Variants in GOLGA8K observed in about 807,000 individuals in gnomAD.
The protein encoded by GOLGA8K is golgin subfamily A member 8K.
GOLGA8K carries 12 observed loss-of-function variants against 75.2 expected under a neutral mutation model. The ratio of observed to expected loss-of-function variants is 0.16; its 90% confidence interval spans 0.10 to 0.26. GOLGA8K has a LOEUF of 0.26. Ranked by LOEUF, GOLGA8K falls within the 10% of genes least tolerant of loss-of-function variation. The pLI is 1.00. For missense variants in GOLGA8K, 109 were observed against 640.8 expected, an observed-to-expected ratio of 0.17 and a Z score of 8.96; for synonymous variants, 48 against 236.6, an observed-to-expected ratio of 0.20 and a Z score of 7.32.
chr15:32,395,025 G>A (rs1156255736), intron 13 of GOLGA8K, among the ~76,000 whole-genome samples: 487 of 149,366 alleles, frequency 3.3e-3, no homozygotes, highest in Middle Eastern at 6.9e-3. Flanking sequence ...CAGACTCTGA[G>A]CCTCTTGGCT....
intron 8 of GOLGA8K, among the ~76,000 whole-genome samples, 177 bp downstream of exon 8, chr15:32,398,383 C>T (rs1251420528): frequency 8.3e-5 from 12 of 144,732 alleles, no homozygotes; most frequent in Non-Finnish European, 1.5e-4. Context: ...ACCCCCAACT[C>T]ACCCACAGCA....
At chr15:32,397,651 A>G in intron 8 of GOLGA8K, 148 bp from the exon 9 acceptor site, 1 of 1,145,768 alleles carries the variant, frequency 8.7e-7, no homozygotes, top group Non-Finnish European at 1.3e-6. Flanking sequence ...TTTTTAAAAG[A>G]ACACAGTAAA....
At position 32,389,995 on chromosome 15, in the gene GOLGA8K, A is replaced by ATT. The variant is rs200888779; in HGVS notation, c.*2785_*2786dup. 0.012 allele frequency among the ~76,000 whole-genome samples: 855 copies of ATT among 69,654 alleles called. 86 individuals carry two copies. The highest frequency in any genetic ancestry group is 0.019 in the Non-Finnish European group (612 of 31,544). 45.7% of individuals were successfully genotyped at this position (69,654 alleles called of 152,430 possible). Reference sequence around the variant, plus strand: ...AAAATCAGCTTTGGTTTTAGAGCTGATTTTTTTTTTCATTTCTGGAAAATT... The same window carrying ATT: ...AAAATCAGCTTTGGTTTTAGAGCTGATTTTTTTTTTTTCATTTCTGGAAAATT... On this transcript the variant is annotated 3_prime_UTR_variant, in exon 19 of 19. Transcript: ENST00000512626.
intron 17 of GOLGA8K, 27 bp downstream of exon 17, chr15:32,393,265 AC>A: frequency 2.7e-6 from 2 of 744,108 alleles, no homozygotes; most frequent in South Asian, 1.6e-5. Flanking sequence ...CCCCACCCCC[AC>A]CCCCACAGAG....
chr15:32,394,513 TCAC>T, intron 14 of GOLGA8K, 149 bp downstream of exon 14: 2 of 673,324 alleles, frequency 3.0e-6, no homozygotes. Context: ...TCACAGGAGG[TCAC>T]CACACTGATG....
chr15:32,392,903 G>A lies in GOLGA8K; in HGVS notation c.1772C>T (p.Pro591Leu), dbSNP rs776178848. The change falls in exon 19 of 19, where the codon CCT (proline) becomes CTT (leucine). Residue 591 changes from proline (P) to leucine (L), a missense_variant. Transcript: ENST00000512626. ...SSAQGEARED[P>L]LLDKPTAQPI... ...CTGTGCAGTAGGCTTGTCAAGGAGA[G>A]GATCCTCCCTGGCCTCTCCTTGGGC... 32 of 1,339,416 alleles carry A rather than the reference G, an allele frequency of 2.4e-5. 4 individuals are homozygous for A. In the South Asian group the frequency reaches 3.7e-4, roughly 16 times the overall value. 83.0% of individuals were successfully genotyped at this position (1,339,416 alleles called of 1,614,324 possible).
Position 32,394,177 on chromosome 15 carries a change from C to A in GOLGA8K, c.1333G>T (p.Val445Phe), listed in dbSNP as rs201987416. 2.6e-5 allele frequency: 35 copies of A among 1,343,072 alleles called. 4 individuals carry two copies. Among genetic ancestry groups the A allele is most frequent in the Non-Finnish European group, 3.2e-5 (32 of 1,011,898 alleles). 83.2% of individuals were successfully genotyped at this position (1,343,072 alleles called of 1,614,324 possible). ...GEEAPQPMPS[V>F]PEDLESREAM... ...TCCCTGCTCTCCAGGTCCTCTGGGA[C>A]ACTCGGCATGGGCTGAGGTGCCTCC... Residue 445 changes from valine (V) to phenylalanine (F), a missense_variant, in exon 15 of 19, where the codon GTC (valine) becomes TTC (phenylalanine). Transcript: ENST00000512626.
intron 8 of GOLGA8K, among the ~76,000 whole-genome samples, chr15:32,397,922 G>A (rs1326966122): frequency 1.2e-4 from 18 of 151,706 alleles, no homozygotes; most frequent in Admixed American, 1.1e-3. Context: ...CACTTAGGCA[G>A]AGCTGGGATA....
At position 32,391,422 on chromosome 15, in the gene GOLGA8K, ACTT is replaced by A. The variant is rs1180916041; in HGVS notation, c.*1357_*1359del. 8.7e-4 allele frequency among the ~76,000 whole-genome samples: 107 copies of A among 123,270 alleles called. 1 individual carries two copies. Among genetic ancestry groups the A allele is most frequent in the African/African-American group, 2.5e-3 (97 of 38,720 alleles). 80.9% of individuals were successfully genotyped at this position (123,270 alleles called of 152,430 possible). ...TTTGTACACATTTTAAGTTTCATAA[ACTT>A]CTCCTTGATTTTCAAAGAGAGTACA... On this transcript the variant is annotated 3_prime_UTR_variant, in exon 19 of 19. Transcript: ENST00000512626.
chr15:32,396,694 T>C (rs2054621388), intron 11 of GOLGA8K, among the ~76,000 whole-genome samples, 151 bp from the exon 12 acceptor site: 1 of 149,020 alleles, frequency 6.7e-6, no homozygotes, highest in East Asian at 2.0e-4. Context: ...CAAAGCACTT[T>C]CAGAGAAAGA....
At chr15:32,395,825 C>T (rs1199770140) in intron 13 of GOLGA8K, 138 bp downstream of exon 13, 5 of 1,433,384 alleles carry the variant, frequency 3.5e-6, no homozygotes, top group Non-Finnish European at 4.7e-6. Flanking sequence ...AAGCAAGAAA[C>T]AGGACTGCCC....
rs750980533 is a variant in GOLGA8K, at chr15:32,397,524, A to G, written c.592-21T>C. 66 of 1,454,540 alleles carry G rather than the reference A, an allele frequency of 4.5e-5. 2 individuals carry two copies. Among genetic ancestry groups the G allele is most frequent in the Non-Finnish European group, 6.0e-5 (63 of 1,049,444 alleles). The allele number at this position is 1,454,540 out of a possible 1,614,324, so 90.1% of individuals were successfully genotyped here. ...GACAACTGGATGGTGAAGAGTGAGA[A>G]GTTTCAATCTGGAGAGCCTGGGCAT... On this transcript the variant is annotated intron_variant, in intron 8 of 18. Transcript: ENST00000512626.
intron 13 of GOLGA8K, among the ~76,000 whole-genome samples, chr15:32,395,544 T>C (rs1466688012): frequency 3.0e-5 from 4 of 135,564 alleles, no homozygotes; most frequent in Non-Finnish European, 6.5e-5. Flanking sequence ...AATGTCCTGC[T>C]AATTTTTTTT....
At chr15:32,394,774 G>A in intron 13 of GOLGA8K, 34 bp from the exon 14 acceptor site, 1 of 1,498,188 alleles carries the variant, frequency 6.7e-7, no homozygotes, top group South Asian at 1.2e-5. Flanking sequence ...AAGGGGTGGA[G>A]TTTGCCAGGT....
intron 13 of GOLGA8K, 32 bp from the exon 14 acceptor site, chr15:32,394,772 G>C (rs765206727): frequency 1.3e-5 from 20 of 1,503,548 alleles, no homozygotes; most frequent in Non-Finnish European, 1.5e-5. Flanking sequence ...AGAAGGGGTG[G>C]AGTTTGCCAG....
intron 2 of GOLGA8K, among the ~76,000 whole-genome samples, chr15:32,401,104 G>A (rs1396540430): frequency 7.1e-6 from 1 of 139,874 alleles, no homozygotes; most frequent in South Asian, 2.2e-4. Context: ...ACGCCACCAC[G>A]CTTGGCTAAT....
chr15:32,393,449 G>T lies in GOLGA8K; in HGVS notation c.1463+24C>A, dbSNP rs758846368. ...CTCCGACGGCCCTGTAGCTCCCCCT[G>T]CTGTGCCCTGGCCTCCCACTCACTG... On this transcript the variant is annotated intron_variant, in intron 16 of 18. Coordinates refer to ENST00000512626, the MANE Select transcript of GOLGA8K (RefSeq NM_001282493.2). 23 of 1,097,416 alleles carry T rather than the reference G, an allele frequency of 2.1e-5. 7 individuals are homozygous for T. The highest frequency in any genetic ancestry group is 7.2e-6 in the Non-Finnish European group (6 of 837,644). The allele number at this position is 1,097,416 out of a possible 1,614,324, so 68.0% of individuals were successfully genotyped here. A position where few individuals can be genotyped will look rare whatever the true frequency, so the allele number is the denominator to read the frequency against.
Position 32,395,975 on chromosome 15 carries a change from C to T in GOLGA8K, c.1188G>A (p.Glu396=). 1 of 1,284,426 alleles carries T rather than the reference C, an allele frequency of 7.8e-7. No homozygotes were observed. Among genetic ancestry groups the T allele is most frequent in the South Asian group, 1.2e-5 (1 of 80,068 alleles). The allele number at this position is 1,284,426 out of a possible 1,614,324, so 79.6% of individuals were successfully genotyped here. A position where few individuals can be genotyped will look rare whatever the true frequency, so the allele number is the denominator to read the frequency against. ...CCGTCTCCTTCACCTCGCCAAGCTTCTCCTGTAGCTCCTTTACTTGCTGCT... is the reference window on the plus strand; with the variant it reads ...CCGTCTCCTTCACCTCGCCAAGCTTTTCCTGTAGCTCCTTTACTTGCTGCT... ...QLEQQVKELQ[E]KLGEEHLEAA... The change falls in exon 13 of 19, where the codon GAG becomes GAA. Residue 396 remains glutamate, a synonymous_variant. Coordinates refer to ENST00000512626, the MANE Select transcript of GOLGA8K (RefSeq NM_001282493.2).
Position 32,397,229 on chromosome 15 carries a change from G to C in GOLGA8K, c.760C>G (p.Gln254Glu), listed in dbSNP as rs1173937178. ...TCCTGCGACATTTTTCTCATCCTCT[G>C]CTGCCACCGGGCCCTCTCTCCTTTT... Reference protein sequence around the residue: ...HLKGERARWQQRMRKMSQEIC... With the variant: ...HLKGERARWQERMRKMSQEIC... Residue 254 changes from glutamine to glutamate, a missense_variant, in exon 10 of 19, where the codon CAG becomes GAG. Transcript: ENST00000512626. The C allele has an allele frequency of 1.8e-5, 27 of 1,492,058 alleles. 3 individuals carry two copies. The highest frequency in any genetic ancestry group is 2.5e-5 in the Non-Finnish European group (27 of 1,087,000). The allele number at this position is 1,492,058 out of a possible 1,614,324, so 92.4% of individuals were successfully genotyped here.
Sources: gnomAD v4.1 joint callset for allele counts (sites outside exome capture counted in the v4.1 genomes callset) on GRCh38, gnomAD v4.1.1 for gene constraint, MANE v1.5 for transcripts, NCBI Gene and HGNC (gene_info 2026-07-23, HGNC 2026-07-21) for gene names.